UST: variants seen among roughly 807,000 people sequenced by gnomAD.
UST encodes the protein uronyl 2-sulfotransferase.
UST carries 21 observed loss-of-function variants against 45.6 expected under a neutral mutation model. That is an observed-to-expected ratio of 0.46 (90% CI 0.33 to 0.66). The LOEUF is 0.66. UST is among the 30% of genes least tolerant of loss of function. UST has a pLI of 0.02. For synonymous variants in UST, 215 were observed against 200.6 expected, an observed-to-expected ratio of 1.07 and a Z score of -0.61; for missense variants, 463 against 512.4, an observed-to-expected ratio of 0.90 and a Z score of 0.93.
intron 1 of UST, among the ~76,000 whole-genome samples, chr6:148,822,826 A>G (rs1156961886): frequency 6.6e-6 from 1 of 152,248 alleles, no homozygotes; most frequent in Non-Finnish European, 1.5e-5. Context: ...CAAACTATAT[A>G]TATTATGGAT....
intron 5 of UST, among the ~76,000 whole-genome samples, chr6:148,989,080 C>A (rs983605893): frequency 1.3e-5 from 2 of 152,090 alleles, no homozygotes; most frequent in Admixed American, 6.6e-5. Context: ...GGTTCAAAGG[C>A]TTTGAAAACA....
intron 1 of UST, among the ~76,000 whole-genome samples, chr6:148,868,498 A>G (rs1778488844): frequency 6.6e-6 from 1 of 152,220 alleles, no homozygotes; most frequent in South Asian, 2.1e-4. Flanking sequence ...GAATATTTCT[A>G]GATTTATGAG....
chr6:148,776,134 T>C (rs1776531074), intron 1 of UST, among the ~76,000 whole-genome samples: 1 of 152,158 alleles, frequency 6.6e-6, no homozygotes, highest in Non-Finnish European at 1.5e-5. Flanking sequence ...CAAATTTGCC[T>C]CCTCTGAAGG....
intron 5 of UST, among the ~76,000 whole-genome samples, chr6:148,977,612 C>T (rs9386241): frequency 0.31 from 47,613 of 151,650 alleles, 8,030 homozygotes; most frequent in Non-Finnish European, 0.38. Flanking sequence ...ATTAGCCGGA[C>T]GAGGTGGCGG....
At chr6:148,800,678 C>G (rs1410919484) in intron 1 of UST, among the ~76,000 whole-genome samples, 1 of 151,626 alleles carries the variant, frequency 6.6e-6, no homozygotes, top group Admixed American at 6.6e-5. Flanking sequence ...TAGGGTTTTT[C>G]TTGCATAGTT....
intron 7 of UST, among the ~76,000 whole-genome samples, chr6:149,063,288 C>A (rs1233421869): frequency 1.3e-5 from 2 of 152,156 alleles, no homozygotes; most frequent in African/African-American, 2.4e-5. Flanking sequence ...CTGAACACTT[C>A]ATAGCTCAAA....
At chr6:148,835,176 TAAA>T (rs10571886) in intron 1 of UST, among the ~76,000 whole-genome samples, 1,960 of 151,946 alleles carry the variant, frequency 0.013, 42 homozygotes, top group African/African-American at 0.045. Flanking sequence ...ATAATACAAT[TAAA>T]AAATTACAGT....
intron 1 of UST, among the ~76,000 whole-genome samples, chr6:148,831,970 T>C (rs1475903620): frequency 6.6e-6 from 1 of 152,156 alleles, no homozygotes; most frequent in Non-Finnish European, 1.5e-5. Flanking sequence ...TACTTGTAAA[T>C]ACATTTGGTA....
chr6:148,837,346 A>T (rs1441475382), intron 1 of UST, among the ~76,000 whole-genome samples: 2 of 152,200 alleles, frequency 1.3e-5, no homozygotes, highest in Non-Finnish European at 2.9e-5. Flanking sequence ...AGAACCTAGT[A>T]GCAAAGAGTA....
At chr6:148,789,764 G>A (rs1582813504) in intron 1 of UST, among the ~76,000 whole-genome samples, 1 of 151,660 alleles carries the variant, frequency 6.6e-6, no homozygotes, top group Non-Finnish European at 1.5e-5. Flanking sequence ...CACCCAGCTA[G>A]TTTTTGTATT....
intron 5 of UST, among the ~76,000 whole-genome samples, chr6:149,014,128 G>A (rs1356657334): frequency 1.3e-5 from 2 of 152,242 alleles, no homozygotes; most frequent in Admixed American, 6.5e-5. Context: ...AGGAGGCAGG[G>A]CTGTGAAAAT....
chr6:149,039,885 T>C (rs938541500), intron 7 of UST, among the ~76,000 whole-genome samples: 4 of 152,178 alleles, frequency 2.6e-5, no homozygotes, highest in African/African-American at 4.8e-5. Flanking sequence ...ACCCGTCACT[T>C]CCATCAAAAG....
intron 4 of UST, among the ~76,000 whole-genome samples, chr6:148,963,441 A>G (rs1780711171): frequency 6.6e-6 from 1 of 152,184 alleles, no homozygotes; most frequent in African/African-American, 2.4e-5. Flanking sequence ...AAAAGAAGGA[A>G]TCATTAAGAG....
chr6:148,899,185 C>T (rs903909702), intron 2 of UST, among the ~76,000 whole-genome samples: 135 of 149,404 alleles, frequency 9.0e-4, no homozygotes, highest in African/African-American at 3.1e-3. Context: ...CTGCAAGCTC[C>T]GCCTCCCGGG....
At chr6:148,875,692 T>C (rs926468923) in intron 1 of UST, among the ~76,000 whole-genome samples, 2 of 152,346 alleles carry the variant, frequency 1.3e-5, no homozygotes, top group East Asian at 1.9e-4. Flanking sequence ...TAGTCCCAGA[T>C]ACTCGGGAGG....
chr6:148,859,189 T>G (rs1778261607), intron 1 of UST, among the ~76,000 whole-genome samples: 1 of 152,148 alleles, frequency 6.6e-6, no homozygotes, highest in Non-Finnish European at 1.5e-5. Context: ...CCATTCTAAC[T>G]GGTGTGAGAT....
At chr6:148,983,383 A>T (rs1169594933) in intron 5 of UST, among the ~76,000 whole-genome samples, 4 of 152,244 alleles carry the variant, frequency 2.6e-5, no homozygotes, top group Non-Finnish European at 5.9e-5. Flanking sequence ...ATCAGAAGCA[A>T]GAAGCCAAAT....
chr6:148,902,156 C>A (rs1364239599), intron 2 of UST, among the ~76,000 whole-genome samples: 2 of 152,142 alleles, frequency 1.3e-5, no homozygotes, highest in African/African-American at 4.8e-5. Flanking sequence ...GTATAAGTTT[C>A]ATGTACCATT....
At chr6:148,828,826 G>C (rs768232351) in intron 1 of UST, among the ~76,000 whole-genome samples, 2 of 152,116 alleles carry the variant, frequency 1.3e-5, no homozygotes, top group Non-Finnish European at 2.9e-5. Context: ...AAATTAATCA[G>C]ATCAACATCA....
Sources: gnomAD v4.1 joint callset for allele counts (sites outside exome capture counted in the v4.1 genomes callset) on GRCh38, gnomAD v4.1.1 for gene constraint, MANE v1.5 for transcripts, NCBI Gene and HGNC (gene_info 2026-07-23, HGNC 2026-07-21) for gene names.